The following MGAT4C variants were observed in gnomAD, a reference collection of about 807,000 sequenced individuals.
MGAT4C encodes MGAT4 family member C.
In MGAT4C, 19 loss-of-function variants were observed where a neutral mutation model predicts 40.1. That is an observed-to-expected ratio of 0.47 (90% CI 0.33 to 0.70). The LOEUF (loss-of-function observed/expected upper bound fraction) is 0.70. Among genes scored for constraint, MGAT4C ranks in the 30% least tolerant of loss-of-function variants. The pLI is 0.02. For missense variants in MGAT4C, 491 were observed against 563.2 expected (o/e 0.87, Z 1.30); for synonymous variants, 181 against 187.1 (o/e 0.97, Z 0.27).
chr12:86,541,904 T>G (rs935735114), intron 2 of MGAT4C, among the ~76,000 whole-genome samples: 1 of 152,206 alleles, frequency 6.6e-6, no homozygotes, highest in African/African-American at 2.4e-5. Context: ...TAGGCTTATG[T>G]CAGGTACCCT....
chr12:86,366,051 T>C (rs1457244812), intron 3 of MGAT4C, among the ~76,000 whole-genome samples: 2 of 152,186 alleles, frequency 1.3e-5, no homozygotes, highest in African/African-American at 4.8e-5. Flanking sequence ...ATTTTTTTCA[T>C]CTATGATTTC....
chr12:86,184,738 T>TAAA (rs34098097), intron 1 of MGAT4C, among the ~76,000 whole-genome samples: 977 of 86,874 alleles, frequency 0.011, 24 homozygotes, highest in African/African-American at 0.026. Context: ...TTTCTCCTGT[T>TAAA]AAAAAAAAAA....
At chr12:86,170,982 G>A (rs553988492) in intron 1 of MGAT4C, among the ~76,000 whole-genome samples, 4 of 152,158 alleles carry the variant, frequency 2.6e-5, no homozygotes, top group East Asian at 1.9e-4. Context: ...TTGAATACCC[G>A]GACATTCTGT....
intron 3 of MGAT4C, among the ~76,000 whole-genome samples, chr12:86,411,305 T>C (rs537558277): frequency 1.1e-4 from 16 of 152,314 alleles, no homozygotes; most frequent in African/African-American, 3.6e-4. Context: ...AATTCCTAGA[T>C]ACTTATTAAA....
At chr12:86,191,046 A>G (rs1486167659) in intron 1 of MGAT4C, among the ~76,000 whole-genome samples, 1 of 150,504 alleles carries the variant, frequency 6.6e-6, no homozygotes, top group Non-Finnish European at 1.5e-5. Flanking sequence ...AGGCACTACA[A>G]TCAGGAACCA....
intron 2 of MGAT4C, among the ~76,000 whole-genome samples, chr12:86,458,747 C>T (rs1432528984): frequency 6.6e-6 from 1 of 152,104 alleles, no homozygotes; most frequent in Non-Finnish European, 1.5e-5. Flanking sequence ...CACAAAATTA[C>T]TAATTTCAGC....
rs746316239 is a variant in MGAT4C at position 85,979,354 on chromosome 12, T to G, written c.1372A>C (p.Ile458Leu). The change falls in exon 5 of 5, where the codon ATA becomes CTA. Residue 458 changes from isoleucine to leucine, a missense_variant. Transcript: ENST00000611864. ...TCCTTTTGTGTTTTGGTGACATATATCCTCATACAATGTATATCAAATGGA... is the reference window on the plus strand; with the variant it reads ...TCCTTTTGTGTTTTGGTGACATATAGCCTCATACAATGTATATCAAATGGA... ...KIPFDIHCMR[I>L]YVTKTQKEWL... The G allele has an allele frequency of 6.2e-7, 1 of 1,612,590 alleles. No individual in the cohort carries two copies. Among genetic ancestry groups the G allele is most frequent in the Admixed American group, 1.7e-5 (1 of 59,820 alleles).
At position 86,815,849 on chromosome 12, in the gene MGAT4C, A is replaced by G. The variant is rs12306282; in HGVS notation, c.-262+22817T>C. Reference sequence around the variant, plus strand: ...AGAATGATACAATGGACTTGGGGGGAAGAGTGGTGGGGGGGCAAGGGAAAA... The same window carrying G: ...AGAATGATACAATGGACTTGGGGGGGAGAGTGGTGGGGGGGCAAGGGAAAA... On this transcript the variant is annotated intron_variant, in intron 1 of 7. Transcript: ENST00000548651. Among the ~76,000 whole-genome samples, 330 of 135,992 alleles carry G rather than the reference A, an allele frequency of 2.4e-3. 3 individuals carry two copies. Among genetic ancestry groups the G allele is most frequent in the African/African-American group, 8.6e-3 (319 of 37,154 alleles). 89.2% of individuals were successfully genotyped at this position (135,992 alleles called of 152,430 possible). A position where few individuals can be genotyped will look rare whatever the true frequency, so the allele number is the denominator to read the frequency against.
chr12:86,629,572 T>A lies in MGAT4C; in HGVS notation c.-229+97637A>T, dbSNP rs141792309. ...AACTGTCTCTCAGACCACAGTGCAATCAACTTACAACTCAGGATTAAGGAA... is the reference window on the plus strand; with the variant it reads ...AACTGTCTCTCAGACCACAGTGCAAACAACTTACAACTCAGGATTAAGGAA... On this transcript the variant is annotated intron_variant, in intron 2 of 7. Coordinates refer to the MGAT4C transcript ENST00000548651. Among the ~76,000 whole-genome samples the A allele has an allele frequency of 4.0e-3, 603 of 152,206 alleles. 2 individuals carry two copies. The highest frequency in any genetic ancestry group is 0.014 in the African/African-American group (588 of 41,532).
intron 2 of MGAT4C, among the ~76,000 whole-genome samples, chr12:86,608,402 G>C (rs117504768): frequency 1.3e-5 from 2 of 151,934 alleles, no homozygotes; most frequent in Non-Finnish European, 1.5e-5. Flanking sequence ...AATATAGAAA[G>C]ACTCTGTCAC....
At chr12:86,092,007 A>C (rs1189016983) in intron 1 of MGAT4C, among the ~76,000 whole-genome samples, 2 of 152,156 alleles carry the variant, frequency 1.3e-5, no homozygotes, top group African/African-American at 4.8e-5. Context: ...ATTCTCTGCA[A>C]CAATAACTAA....
intron 1 of MGAT4C, among the ~76,000 whole-genome samples, chr12:86,826,230 T>C (rs1182088247): frequency 6.6e-6 from 1 of 151,476 alleles, no homozygotes; most frequent in African/African-American, 2.4e-5. Context: ...CTTCCTGTGT[T>C]ATGTGACTCC....
intron 1 of MGAT4C, among the ~76,000 whole-genome samples, chr12:86,111,163 G>C (rs1877334269): frequency 6.6e-6 from 1 of 151,676 alleles, no homozygotes; most frequent in Non-Finnish European, 1.5e-5. Flanking sequence ...TAAAGCAATG[G>C]TGTTGTCACA....
At chr12:85,994,514 G>A (rs12298516) in intron 2 of MGAT4C, among the ~76,000 whole-genome samples, 38,886 of 151,800 alleles carry the variant, frequency 0.26, 5,661 homozygotes, top group Non-Finnish European at 0.33. Flanking sequence ...ACTGCAGGCC[G>A]TTAAAAATTA....
At position 86,295,572 on chromosome 12, in the gene MGAT4C, T is replaced by C. The variant is rs974656587; in HGVS notation, c.-57+38493A>G. 1.9e-4 allele frequency among the ~76,000 whole-genome samples: 29 copies of C among 152,140 alleles called. 1 individual carries two copies. The highest frequency in any genetic ancestry group is 2.1e-4 in the Non-Finnish European group (14 of 68,022). ...GCGAAACAACAATGCTTCCACAGTG[T>C]GGAAGGGGACCCCAGCAGGTTGCCA... On this transcript the variant is annotated intron_variant, in intron 4 of 7. Coordinates refer to the MGAT4C transcript ENST00000548651.
intron 2 of MGAT4C, among the ~76,000 whole-genome samples, chr12:86,680,095 A>G (rs1354135560): frequency 6.6e-6 from 1 of 152,010 alleles, no homozygotes; most frequent in South Asian, 2.1e-4. Flanking sequence ...CCTAAAACAT[A>G]GTCTCCAATA....
intron 1 of MGAT4C, among the ~76,000 whole-genome samples, chr12:86,750,285 G>C (rs1319903186): frequency 6.6e-6 from 1 of 151,958 alleles, no homozygotes; most frequent in East Asian, 1.9e-4. Flanking sequence ...TATCAGAAAA[G>C]TCCCTACATA....
At chr12:86,552,026 C>CAAAAAAAAAAAAAAAAA (rs201076856) in intron 2 of MGAT4C, among the ~76,000 whole-genome samples, 2 of 60,650 alleles carry the variant, frequency 3.3e-5, no homozygotes, top group Non-Finnish European at 3.4e-5. Context: ...TTAAAAAAAG[C>CAAAAAAAAAAAAAAAAA]AAAAAAAAAA....
intron 1 of MGAT4C, among the ~76,000 whole-genome samples, chr12:86,823,259 A>G (rs749142425): frequency 2.6e-5 from 4 of 151,406 alleles, no homozygotes; most frequent in Non-Finnish European, 5.9e-5. Flanking sequence ...AGCATAAGGA[A>G]GAAAATAACA....
Sources: allele counts gnomAD v4.1 joint callset (sites outside exome capture counted in the v4.1 genomes callset), GRCh38; gene constraint gnomAD v4.1.1; transcripts MANE v1.5; gene names NCBI Gene and HGNC (gene_info 2026-07-23, HGNC 2026-07-21).